Variants in SUGCT observed in about 807,000 individuals in gnomAD.
SUGCT encodes the protein succinyl-CoA:glutarate CoA-transferase.
A neutral mutation model predicts 55.0 loss-of-function variants in SUGCT; 41 were observed. The ratio of observed to expected loss-of-function variants is 0.74; its 90% CI spans 0.58 to 0.97. SUGCT has a LOEUF of 0.97. Among genes scored for constraint, SUGCT ranks in the 50% least tolerant of loss-of-function variants. The probability of loss-of-function intolerance (pLI) is 0.00; values close to 1 mark genes in which losing one functional copy is unlikely to be tolerated. For synonymous variants in SUGCT, 187 were observed against 200.4 expected (o/e 0.93, Z 0.56); for missense variants, 568 against 547.8 (o/e 1.04, Z -0.37).
the SUGCT span, among the ~76,000 whole-genome samples, chr7:40,900,153 C>G: frequency 6.6e-6 from 1 of 152,234 alleles, no homozygotes; most frequent in South Asian, 2.1e-4. Context: ...TTGGCTCATA[C>G]TTTTCCTTAA....
chr7:40,289,487 TA>T (rs1372963547), intron 8 of SUGCT, among the ~76,000 whole-genome samples: 1 of 152,104 alleles, frequency 6.6e-6, no homozygotes, highest in African/African-American at 2.4e-5. Context: ...ACAAATTAGG[TA>T]TTGATGGGAC....
chr7:40,306,106 A>G (rs113582326), intron 8 of SUGCT, among the ~76,000 whole-genome samples: 2 of 152,232 alleles, frequency 1.3e-5, no homozygotes, highest in Admixed American at 6.5e-5. Flanking sequence ...CATTGTTTTC[A>G]TTCATTCCTT....
chr7:40,949,410 A>G, the SUGCT span, among the ~76,000 whole-genome samples: 133,914 of 152,084 alleles, frequency 0.88, 59,083 homozygotes, highest in African/African-American at 0.93. Context: ...TAGGTTGCCT[A>G]TTCACTCTGA....
At chr7:40,271,928 G>A (rs978522435) in intron 7 of SUGCT, among the ~76,000 whole-genome samples, 1 of 151,452 alleles carries the variant, frequency 6.6e-6, no homozygotes, top group African/African-American at 2.4e-5. Flanking sequence ...CAGAATATGT[G>A]ATATTTGTCT....
At chr7:40,933,737 C>T in the SUGCT span, among the ~76,000 whole-genome samples, 2 of 152,208 alleles carry the variant, frequency 1.3e-5, no homozygotes, top group Non-Finnish European at 2.9e-5. Context: ...GCTACTGAAG[C>T]TCGTGCATGC....
At chr7:40,624,180 G>A (rs571653453) in intron 12 of SUGCT, among the ~76,000 whole-genome samples, 1 of 152,192 alleles carries the variant, frequency 6.6e-6, no homozygotes, top group East Asian at 1.9e-4. Context: ...GTCCACATGG[G>A]GCTGAGACAG....
chr7:40,766,600 GT>G (rs1358658465), intron 13 of SUGCT, among the ~76,000 whole-genome samples: 1 of 152,088 alleles, frequency 6.6e-6, no homozygotes, highest in Non-Finnish European at 1.5e-5. Flanking sequence ...ACTTCAATAT[GT>G]TACTAAGAAT....
intron 13 of SUGCT, among the ~76,000 whole-genome samples, chr7:40,806,858 G>A (rs1451442778): frequency 6.6e-6 from 1 of 152,168 alleles, no homozygotes; most frequent in Admixed American, 6.5e-5. Flanking sequence ...GAGGATGAGG[G>A]AATCTGTATC....
chr7:40,890,252 T>TATA, the SUGCT span, among the ~76,000 whole-genome samples: 3 of 140,912 alleles, frequency 2.1e-5, no homozygotes, highest in East Asian at 5.9e-4. Context: ...ATTTATATTA[T>TATA]ATATTTATAT....
chr7:40,912,260 T>A, the SUGCT span, among the ~76,000 whole-genome samples: 2 of 152,224 alleles, frequency 1.3e-5, no homozygotes, highest in Non-Finnish European at 2.9e-5. Flanking sequence ...GTGTTATTTT[T>A]AAATTCTTGC....
At chr7:40,946,397 G>A in the SUGCT span, among the ~76,000 whole-genome samples, 1 of 152,196 alleles carries the variant, frequency 6.6e-6, no homozygotes, top group East Asian at 1.9e-4. Flanking sequence ...GGTTCCAGTG[G>A]GGATTGGAGG....
chr7:40,923,307 A>T, the SUGCT span, among the ~76,000 whole-genome samples: 1 of 152,222 alleles, frequency 6.6e-6, no homozygotes, highest in African/African-American at 2.4e-5. Context: ...AAGATATTAC[A>T]TGCAGGAGAC....
chr7:40,894,774 CAGTCAG>C, the SUGCT span, among the ~76,000 whole-genome samples: 2 of 152,142 alleles, frequency 1.3e-5, no homozygotes, highest in African/African-American at 4.8e-5. Flanking sequence ...CATCTCACAC[CAGTCAG>C]AATGGCTATT....
chr7:40,281,987 C>A lies in SUGCT; in HGVS notation c.720+7331C>A, dbSNP rs190475023. ...AGGCACAAACCACCACACCCAGCTA[C>A]TTTTTGTATTTTTAGTAGAGACAGG... is the stretch of plus-strand genomic sequence containing the variant. On this transcript the variant is annotated intron_variant, in intron 8 of 13. Transcript: ENST00000335693. Among the ~76,000 whole-genome samples the A allele has an allele frequency of 2.9e-3, 439 of 152,160 alleles. 1 individual carries two copies. The highest frequency in any genetic ancestry group is 5.2e-3 in the Non-Finnish European group (352 of 67,984).
At chr7:40,511,110 A>G (rs565433380) in intron 12 of SUGCT, among the ~76,000 whole-genome samples, 1 of 152,314 alleles carries the variant, frequency 6.6e-6, no homozygotes, top group Non-Finnish European at 1.5e-5. Context: ...CATCATCGTC[A>G]TTACAGAGGA....
Position 40,135,128 on chromosome 7 carries a change from C to T in SUGCT, c.100+8C>T, listed in dbSNP as rs1430474457. 6.5e-7 allele frequency: 1 copy of T among 1,548,908 alleles called. No homozygotes were observed. The highest frequency in any genetic ancestry group is 8.7e-7 in the Non-Finnish European group (1 of 1,147,170). On this transcript the variant is annotated splice_region_variant and intron_variant, in intron 1 of 13. Transcript: ENST00000335693. ...CTGGCCGCCCGCAGTCAGGTACCCTCCGAGATTCGGTCTGGGTGGCTAAAG... is the reference window on the plus strand; with the variant it reads ...CTGGCCGCCCGCAGTCAGGTACCCTTCGAGATTCGGTCTGGGTGGCTAAAG...
intron 13 of SUGCT, among the ~76,000 whole-genome samples, chr7:40,845,151 C>T (rs982828046): frequency 5.9e-5 from 9 of 151,892 alleles, no homozygotes; most frequent in African/African-American, 1.9e-4. Flanking sequence ...ATGAACAAAA[C>T]ATTAATTTTG....
intron 12 of SUGCT, among the ~76,000 whole-genome samples, chr7:40,545,493 T>C (rs1034289543): frequency 3.9e-5 from 6 of 152,208 alleles, no homozygotes; most frequent in Admixed American, 6.5e-5. Flanking sequence ...CCTGACTTAA[T>C]GGCTAATTCC....
chr7:40,880,607 A>G, the SUGCT span, among the ~76,000 whole-genome samples: 1 of 152,222 alleles, frequency 6.6e-6, no homozygotes, highest in Non-Finnish European at 1.5e-5. Flanking sequence ...ATGTTGAATC[A>G]TAGCTACTAT....
Sources: gnomAD v4.1 joint callset for allele counts (sites outside exome capture counted in the v4.1 genomes callset) on GRCh38, gnomAD v4.1.1 for gene constraint, MANE v1.5 for transcripts, NCBI Gene and HGNC (gene_info 2026-07-23, HGNC 2026-07-21) for gene names.